The following GAS6 variants were observed in gnomAD, a reference collection of about 807,000 sequenced individuals.
The protein encoded by GAS6 is growth arrest-specific protein 6.
A neutral mutation model predicts 75.8 loss-of-function variants in GAS6; 41 were observed. That is an observed-to-expected ratio of 0.54 (90% CI 0.42 to 0.70). The LOEUF is 0.70. GAS6 is among the 30% of genes least tolerant of loss of function. GAS6 has a pLI of 0.00. For synonymous variants in GAS6, 432 were observed against 412.6 expected (o/e 1.05, Z -0.57); for missense variants, 854 against 940.2 (o/e 0.91, Z 1.20).
chr13:113,828,134 G>C (rs1212953961), intron 11 of GAS6, among the ~76,000 whole-genome samples: 1 of 152,082 alleles, frequency 6.6e-6, no homozygotes. Context: ...CGTGGTGGCG[G>C]GCGCCTGTAG....
intron 2 of GAS6, among the ~76,000 whole-genome samples, chr13:113,853,620 ACT>A (rs1194662227): frequency 6.6e-6 from 1 of 152,172 alleles, no homozygotes. Context: ...GAGCACAGGG[ACT>A]CTGTTTATCA....
At chr13:113,861,805 C>T (rs938731254) in intron 2 of GAS6, among the ~76,000 whole-genome samples, 2 of 152,172 alleles carry the variant, frequency 1.3e-5, no homozygotes, top group Admixed American at 1.3e-4. Context: ...ATCCAAAAAC[C>T]AGAGGGAAAG....
chr13:113,826,781 A>G (rs1423550819), intron 12 of GAS6, among the ~76,000 whole-genome samples: 1 of 151,934 alleles, frequency 6.6e-6, no homozygotes, highest in African/African-American at 2.4e-5. Context: ...TTTCTTCTTC[A>G]CTGGCTGACT....
rs1344894464 is a variant in GAS6, at chr13:113,823,380, T to G, written c.1648A>C (p.Lys550Gln). ...CTGGGTGGCGGAGGCCCTACCTGCT[T>G]CTTGAGTTTCTTCGTGGAGTGATAG... ...VDYHSTKKLK[K>Q]QLVVLAVEHT... The change falls in exon 13 of 15, where the codon AAG (lysine) becomes CAG (glutamine). Residue 550 changes from lysine (K) to glutamine (Q), a missense_variant. Transcript: ENST00000327773. 1 of 1,609,264 alleles carries G rather than the reference T, an allele frequency of 6.2e-7. No individual in the cohort carries two copies. The highest frequency in any genetic ancestry group is 8.5e-7 in the Non-Finnish European group (1 of 1,177,728).
At chr13:113,840,399 G>C (rs2051763013) in intron 4 of GAS6, 1 of 156,428 alleles carries the variant, frequency 6.4e-6, no homozygotes, top group Non-Finnish European at 1.4e-5. Context: ...CTTTAGGCCA[G>C]GTGTGTTCTG....
intron 2 of GAS6, among the ~76,000 whole-genome samples, chr13:113,855,890 T>G (rs1371309022): frequency 2.0e-5 from 3 of 152,156 alleles, no homozygotes; most frequent in Admixed American, 1.3e-4. Flanking sequence ...AGGCCCCAAA[T>G]TCACCTGGGT....
At chr13:113,830,656 C>T (rs1360235031) in intron 10 of GAS6, among the ~76,000 whole-genome samples, 1 of 104,694 alleles carries the variant, frequency 9.6e-6, no homozygotes, top group Non-Finnish European at 1.8e-5. Flanking sequence ...TCCCCTGCAA[C>T]ACCGCTCCCC....
rs1217000506 is a variant in GAS6 at position 113,820,962 on chromosome 13, C to G, written c.1939G>C (p.Glu647Gln). ...TAFYRGCMTL[E>Q]VNRRLLDLDE... ...AGGTCCAGCAGCCTCCGGTTGACCT[C>G]CAGTGTCATGCAGCCGCGGTAGAAC... Residue 647 changes from glutamate (E) to glutamine (Q), a missense_variant, in exon 15 of 15, where the codon GAG (glutamate) becomes CAG (glutamine). Physicochemically the swap from Glu to Gln is conservative, Grantham distance 29 (BLOSUM62 2). Transcript: ENST00000327773. 1.2e-6 allele frequency: 2 copies of G among 1,612,768 alleles called. No individual in the cohort carries two copies. The highest frequency in any genetic ancestry group is 8.5e-7 in the Non-Finnish European group (1 of 1,179,902).
At position 113,863,459 on chromosome 13, in the gene GAS6, TG is replaced by T; in HGVS notation, c.255+115del. On this transcript the variant is annotated intron_variant, in intron 2 of 14. Coordinates refer to ENST00000327773, the MANE Select transcript of GAS6 (RefSeq NM_000820.4). This position sits in a 1 kb window ranked among gnomAD's most constrained non-coding sequence, Gnocchi z 9.4. Reference sequence around the variant, plus strand: ...GGGCGGGCCGGGGCTCCTGGGACCCTGAGGCCAGGCCTCGCCGCGCGGAGCT... The same window carrying T: ...GGGCGGGCCGGGGCTCCTGGGACCCTAGGCCAGGCCTCGCCGCGCGGAGCT... 1 of 1,063,494 alleles carries T rather than the reference TG, an allele frequency of 9.4e-7. No individual in the cohort carries two copies. Among genetic ancestry groups the T allele is most frequent in the Non-Finnish European group, 1.2e-6 (1 of 809,378 alleles). 65.9% of individuals were successfully genotyped at this position (1,063,494 alleles called of 1,614,324 possible).
intron 2 of GAS6, among the ~76,000 whole-genome samples, chr13:113,850,421 C>T (rs529382822): frequency 3.3e-5 from 5 of 152,182 alleles, no homozygotes; most frequent in South Asian, 2.1e-4. Context: ...AATGGGTTGG[C>T]GTGCTGGGGT....
At position 113,826,584 on chromosome 13, in the gene GAS6, TCGCAGGCACC is replaced by T. The variant is rs1566354819; in HGVS notation, c.1477+402_1477+411del. On this transcript the variant is annotated intron_variant, in intron 12 of 14. Coordinates refer to ENST00000327773, the MANE Select transcript of GAS6 (RefSeq NM_000820.4). ...TCTCCCCGGCCTCCCGGCGCTGGCC[TCGCAGGCACC>T]TTCTCTCCCCGGCCTCCCGGCGCCG... 5.3e-5 allele frequency among the ~76,000 whole-genome samples: 5 copies of T among 94,206 alleles called. 2 individuals are homozygous for T. The highest frequency in any genetic ancestry group is 2.2e-4 in the African/African-American group (5 of 22,692). 61.8% of individuals were successfully genotyped at this position (94,206 alleles called of 152,430 possible). A position where few individuals can be genotyped will look rare whatever the true frequency, so the allele number is the denominator to read the frequency against.
intron 3 of GAS6, chr13:113,847,613 T>G: frequency 5.1e-6 from 1 of 197,300 alleles, no homozygotes; most frequent in South Asian, 8.5e-5. Context: ...TATTCAGTGT[T>G]TTCGGTTTTA....
rs1192527765 is a variant in GAS6 at position 113,863,340 on chromosome 13, G to A, written c.255+235C>T. 2.0e-5 allele frequency among the ~76,000 whole-genome samples: 3 copies of A among 152,148 alleles called. No homozygotes were observed. Among genetic ancestry groups the A allele is most frequent in the African/African-American group, 7.2e-5 (3 of 41,458 alleles). On this transcript the variant is annotated intron_variant, in intron 2 of 14. Transcript: ENST00000327773. The surrounding 1 kb of genome is among the most constrained non-coding windows in gnomAD (Gnocchi z 9.4). ...ACTCCCGGCTTCCCCGCGGGGAGGC[G>A]TCTGACAGCGAGCGTTTCCCGGACA...
At chr13:113,828,207 T>C (rs2051578461) in intron 11 of GAS6, among the ~76,000 whole-genome samples, 1 of 152,194 alleles carries the variant, frequency 6.6e-6, no homozygotes, top group East Asian at 1.9e-4. Context: ...GAGCTTGCAG[T>C]GAGCCGAGAT....
At position 113,828,535 on chromosome 13, in the gene GAS6, T is replaced by C. The variant is rs774690143; in HGVS notation, c.1308+12A>G. ...CACGGCGCGTCTACACAGGGACAGG[T>C]ACAGTACTCACAGGCTGCACGAGGT... On this transcript the variant is annotated intron_variant, in intron 11 of 14. Transcript: ENST00000327773. 1 of 1,611,844 alleles carries C rather than the reference T, an allele frequency of 6.2e-7. No homozygotes were observed. Among genetic ancestry groups the C allele is most frequent in the Non-Finnish European group, 8.5e-7 (1 of 1,179,138 alleles).
chr13:113,853,990 T>A (rs561882176), intron 2 of GAS6, among the ~76,000 whole-genome samples: 2 of 152,206 alleles, frequency 1.3e-5, no homozygotes, highest in Admixed American at 1.3e-4. Flanking sequence ...AGGCAGTGCA[T>A]GGCCCCCAGC....
At chr13:113,850,793 A>G (rs962415100) in intron 2 of GAS6, among the ~76,000 whole-genome samples, 1 of 151,880 alleles carries the variant, frequency 6.6e-6, no homozygotes, top group East Asian at 1.9e-4. Context: ...TGGATGGATG[A>G]GTGAATGGAT....
Position 113,828,219 on chromosome 13 carries a change from G to C in GAS6, c.1308+328C>G, listed in dbSNP as rs184013959. On this transcript the variant is annotated intron_variant, in intron 11 of 14. Coordinates refer to ENST00000327773, the MANE Select transcript of GAS6 (RefSeq NM_000820.4). ...GCGGAGCTTGCAGTGAGCCGAGATC[G>C]CGCCACTGCACTCCAGCCTGGGCAA... Among the ~76,000 whole-genome samples, 296 of 152,172 alleles carry C rather than the reference G, an allele frequency of 1.9e-3. 3 individuals are homozygous for C. The highest frequency in any genetic ancestry group is 0.018 in the South Asian group (85 of 4,822).
intron 2 of GAS6, among the ~76,000 whole-genome samples, chr13:113,855,523 C>G (rs1050460053): frequency 1.3e-5 from 2 of 152,228 alleles, no homozygotes; most frequent in African/African-American, 4.8e-5. Flanking sequence ...CTCCATGGGA[C>G]GCTGGACAGC....
Sources: allele counts gnomAD v4.1 joint callset (sites outside exome capture counted in the v4.1 genomes callset), GRCh38; gene constraint gnomAD v4.1.1; non-coding constraint Gnocchi (gnomAD v3.1); transcripts MANE v1.5; gene names NCBI Gene and HGNC (gene_info 2026-07-23, HGNC 2026-07-21).